Variants in CDH13 observed in about 807,000 individuals in gnomAD.
CDH13 encodes the protein cadherin-13.
Under a neutral mutation model 63.8 loss-of-function variants are expected in CDH13, and 24 were observed. The observed-to-expected ratio is 0.38, with a 90% CI of 0.27 to 0.53. The LOEUF (loss-of-function observed/expected upper bound fraction) is 0.53. CDH13 is among the 20% of genes least tolerant of loss of function. The pLI, the probability that CDH13 is intolerant of heterozygous loss-of-function variation, is 0.85. For synonymous variants in CDH13, 503 were observed against 355.3 expected (o/e 1.42, Z -4.67); for missense variants, 1,049 against 903.1 (o/e 1.16, Z -2.07).
chr16:83,307,825 C>CA (rs1307579581), intron 5 of CDH13, among the ~76,000 whole-genome samples: 1 of 152,114 alleles, frequency 6.6e-6, no homozygotes, highest in African/African-American at 2.4e-5. Context: ...AACATCAGAG[C>CA]GGGGGAGTAA....
intron 3 of CDH13, among the ~76,000 whole-genome samples, chr16:83,039,154 T>C (rs757431990): frequency 6.6e-6 from 1 of 152,186 alleles, no homozygotes; most frequent in Non-Finnish European, 1.5e-5. Context: ...CTATATACGC[T>C]TGGATCCAGC....
chr16:83,433,423 G>C (rs1251703084), intron 6 of CDH13, among the ~76,000 whole-genome samples: 1 of 152,152 alleles, frequency 6.6e-6, no homozygotes, highest in African/African-American at 2.4e-5. Context: ...TGTGAATGTG[G>C]GCTATCATTC....
chr16:83,167,128 A>C (rs556186833), intron 4 of CDH13, among the ~76,000 whole-genome samples: 3 of 151,896 alleles, frequency 2.0e-5, no homozygotes, highest in Non-Finnish European at 4.4e-5. Flanking sequence ...ACGTATTTGC[A>C]GTGGTACTTC....
intron 3 of CDH13, among the ~76,000 whole-genome samples, chr16:83,033,819 G>A (rs1172144691): frequency 6.6e-6 from 1 of 152,176 alleles, no homozygotes; most frequent in African/African-American, 2.4e-5. Flanking sequence ...CAGGATTCCA[G>A]CCAAACAATG....
In CDH13 at chr16:83,354,474, A is replaced by G. The variant is rs530911663; in HGVS notation, c.781+9468A>G. Among the ~76,000 whole-genome samples the G allele has an allele frequency of 5.3e-5, 8 of 152,360 alleles. No individual in the cohort carries two copies. In the East Asian group the frequency reaches 1.2e-3, roughly 22 times the overall value. On this transcript the variant is annotated intron_variant, in intron 6 of 13. Transcript: ENST00000567109. ...AGTGACCAAGACCATTTAGAACTCTATTCTTAAGACATTGCCACCTTCCTG... is the reference window on the plus strand; with the variant it reads ...AGTGACCAAGACCATTTAGAACTCTGTTCTTAAGACATTGCCACCTTCCTG...
At chr16:83,573,531 G>A (rs944801230) in intron 7 of CDH13, among the ~76,000 whole-genome samples, 9 of 152,134 alleles carry the variant, frequency 5.9e-5, no homozygotes, top group Admixed American at 2.0e-4. Context: ...ATCAATGGCG[G>A]CACCTTTGCC....
chr16:83,327,113 A>T (rs1377944870), intron 5 of CDH13, among the ~76,000 whole-genome samples: 1 of 152,220 alleles, frequency 6.6e-6, no homozygotes, highest in East Asian at 1.9e-4. Context: ...GCAGGGACAG[A>T]TGGAATCACT....
At chr16:82,870,396 G>A (rs1193108984) in intron 2 of CDH13, among the ~76,000 whole-genome samples, 1 of 152,062 alleles carries the variant, frequency 6.6e-6, no homozygotes, top group Non-Finnish European at 1.5e-5. Flanking sequence ...CCACTATGCA[G>A]AACACTATGG....
intron 3 of CDH13, among the ~76,000 whole-genome samples, chr16:83,033,628 G>A (rs778148580): frequency 9.2e-5 from 14 of 152,064 alleles, no homozygotes; most frequent in Non-Finnish European, 1.6e-4. Flanking sequence ...CCTTCCACAG[G>A]CACATGCATG....
chr16:83,672,097 C>T (rs1020124778), intron 9 of CDH13, among the ~76,000 whole-genome samples: 1 of 152,216 alleles, frequency 6.6e-6, no homozygotes, highest in East Asian at 1.9e-4. Flanking sequence ...GCTGCCCACT[C>T]CCTGTGTGCC....
At chr16:83,446,411 G>A (rs1057432502) in intron 6 of CDH13, among the ~76,000 whole-genome samples, 1 of 152,078 alleles carries the variant, frequency 6.6e-6, no homozygotes, top group South Asian at 2.1e-4. Context: ...TTTTAAAAAA[G>A]GAAGTTGCTT....
rs1482003702 is a variant in CDH13, at chr16:83,320,500, A to G, written c.637-24362A>G. On this transcript the variant is annotated intron_variant, in intron 5 of 13. Coordinates refer to ENST00000567109, the MANE Select transcript of CDH13 (RefSeq NM_001257.5). ...GTTGCCTGATTTTAAAGTAAGAGAA[A>G]TAGATCAAAACAAATGACAGAAATC... Among the ~76,000 whole-genome samples the G allele has an allele frequency of 2.0e-5, 3 of 152,226 alleles. No homozygotes were observed. In the East Asian group the frequency reaches 5.8e-4, roughly 29 times the overall value.
Position 82,675,131 on chromosome 16 carries a change from C to T in CDH13, c.45+47994C>T, listed in dbSNP as rs537476225. The stretch of plus-strand genomic sequence containing the variant: ...CTTAATAATTTTGCAACTTAAAAAT[C>T]GTATTGGATAAGGGTGCCGTATTGA... On this transcript the variant is annotated intron_variant, in intron 1 of 13. Transcript: ENST00000567109. 9.2e-5 allele frequency among the ~76,000 whole-genome samples: 14 copies of T among 152,098 alleles called. No homozygotes were observed. In the South Asian group the frequency reaches 2.3e-3, roughly 25 times the overall value.
Position 82,797,791 on chromosome 16 carries a change from G to C in CDH13, c.46-60571G>C, listed in dbSNP as rs151170346. 2.8e-3 allele frequency among the ~76,000 whole-genome samples: 430 copies of C among 151,398 alleles called. 2 individuals are homozygous for C. The highest frequency in any genetic ancestry group is 9.8e-3 in the African/African-American group (402 of 41,112). On this transcript the variant is annotated intron_variant, in intron 1 of 13. Coordinates refer to ENST00000567109, the MANE Select transcript of CDH13 (RefSeq NM_001257.5). Reference sequence around the variant, plus strand: ...TTTAGGGCCGTGTGTGTGTGTGTGTGTGTGTGTGTGTGTGTGTATACATGT... The same window carrying C: ...TTTAGGGCCGTGTGTGTGTGTGTGTCTGTGTGTGTGTGTGTGTATACATGT...
chr16:83,697,159 A>G (rs1029296543), intron 10 of CDH13, among the ~76,000 whole-genome samples: 2 of 152,218 alleles, frequency 1.3e-5, no homozygotes, highest in Non-Finnish European at 2.9e-5. Context: ...CCCAACATTA[A>G]TACTCATGGC....
chr16:82,630,573 C>T (rs1374728443), intron 1 of CDH13, among the ~76,000 whole-genome samples: 1 of 152,174 alleles, frequency 6.6e-6, no homozygotes. Flanking sequence ...GCCCAACAAA[C>T]CAACATACTC....
intron 1 of CDH13, among the ~76,000 whole-genome samples, chr16:82,730,798 A>G (rs768458048): frequency 3.5e-4 from 54 of 152,306 alleles, no homozygotes; most frequent in Middle Eastern, 6.8e-3. Flanking sequence ...TAAGGTAATA[A>G]TTGCTGCAGC....
At chr16:83,094,257 C>G (rs143085998) in intron 3 of CDH13, among the ~76,000 whole-genome samples, 92 of 152,228 alleles carry the variant, frequency 6.0e-4, no homozygotes, top group African/African-American at 2.1e-3. Context: ...CCTGCTTTGC[C>G]CTCTTTGTCA....
intron 10 of CDH13, among the ~76,000 whole-genome samples, chr16:83,739,031 G>A (rs1911807745): frequency 6.6e-6 from 1 of 152,154 alleles, no homozygotes; most frequent in Non-Finnish European, 1.5e-5. Flanking sequence ...TCACACAACA[G>A]GCCTGAGACT....
Sources: gnomAD v4.1 joint callset for allele counts (sites outside exome capture counted in the v4.1 genomes callset) on GRCh38, gnomAD v4.1.1 for gene constraint, MANE v1.5 for transcripts, NCBI Gene and HGNC (gene_info 2026-07-23, HGNC 2026-07-21) for gene names.